Variants in UBE2E3 observed in about 807,000 individuals in gnomAD.
UBE2E3 encodes the protein ubiquitin conjugating enzyme E2 E3.
UBE2E3 carries 5 observed loss-of-function variants against 23.6 expected under a neutral mutation model. The ratio of observed to expected loss-of-function variants is 0.21; its 90% CI spans 0.11 to 0.44. The LOEUF (loss-of-function observed/expected upper bound fraction) is 0.44. Ranked by LOEUF, UBE2E3 falls within the 20% of genes least tolerant of loss-of-function variation. The pLI, the probability that UBE2E3 is intolerant of heterozygous loss-of-function variation, is 0.99. For missense variants in UBE2E3, 81 were observed against 249.8 expected (o/e 0.32, Z 4.55); for synonymous variants, 78 against 87.5 (o/e 0.89, Z 0.60).
At chr2:181,029,823 T>A (rs933790241) in intron 3 of UBE2E3, among the ~76,000 whole-genome samples, 10 of 150,604 alleles carry the variant, frequency 6.6e-5, no homozygotes, top group East Asian at 1.9e-4. Context: ...GTATTCTTTA[T>A]CAATTAATTC....
chr2:181,009,118 A>G (rs1239529203), intron 3 of UBE2E3, among the ~76,000 whole-genome samples: 1 of 152,148 alleles, frequency 6.6e-6, no homozygotes, highest in Non-Finnish European at 1.5e-5. Context: ...CAGTTCTTCT[A>G]CATTTTGTCA....
At chr2:181,013,092 G>C (rs1304900214) in intron 3 of UBE2E3, among the ~76,000 whole-genome samples, 1 of 152,030 alleles carries the variant, frequency 6.6e-6, no homozygotes, top group Non-Finnish European at 1.5e-5. Context: ...TTCCCGAGTA[G>C]CTGGGACTAC....
intron 3 of UBE2E3, among the ~76,000 whole-genome samples, chr2:181,053,302 AATATT>A (rs1363353072): frequency 6.6e-6 from 1 of 151,788 alleles, no homozygotes; most frequent in Admixed American, 6.6e-5. Flanking sequence ...TACCTTATTT[AATATT>A]ATAGAAGAAA....
chr2:181,005,349 C>T (rs1443585457), intron 3 of UBE2E3, among the ~76,000 whole-genome samples: 2 of 152,172 alleles, frequency 1.3e-5, no homozygotes, highest in Admixed American at 1.3e-4. Context: ...AAGTCTAATG[C>T]ATTTCATTAA....
At chr2:180,989,951 C>G (rs1684606319) in intron 3 of UBE2E3, 2 of 1,548,174 alleles carry the variant, frequency 1.3e-6, no homozygotes, top group African/African-American at 1.4e-5. Context: ...TCCTTTCAGT[C>G]TCTTCTTCCC....
chr2:181,017,669 G>C (rs1037513438), intron 3 of UBE2E3, among the ~76,000 whole-genome samples: 7 of 149,990 alleles, frequency 4.7e-5, no homozygotes, highest in African/African-American at 1.7e-4. Flanking sequence ...TTTTAATACG[G>C]AAGTGTCATA....
chr2:181,020,043 ATC>A (rs1316019968), intron 3 of UBE2E3, among the ~76,000 whole-genome samples: 10 of 152,116 alleles, frequency 6.6e-5, no homozygotes, highest in African/African-American at 2.4e-4. Flanking sequence ...TACTCTTTGC[ATC>A]TCTGAGTTTG....
chr2:181,031,141 T>C (rs1035111563), intron 3 of UBE2E3, among the ~76,000 whole-genome samples: 1 of 152,170 alleles, frequency 6.6e-6, no homozygotes. Context: ...TTTAAAAAAT[T>C]TGTTAAAAAT....
intron 3 of UBE2E3, among the ~76,000 whole-genome samples, chr2:181,029,659 CTTT>C (rs61149975): frequency 0.048 from 5,594 of 116,880 alleles, 135 homozygotes; most frequent in South Asian, 0.12. Flanking sequence ...TGTAGACAAT[CTTT>C]TTTTTTTTTT....
In UBE2E3 at chr2:180,996,881, TC is replaced by T. The variant is rs552840122; in HGVS notation, c.245+12789del. On this transcript the variant is annotated intron_variant, in intron 3 of 5. Transcript: ENST00000410062. The stretch of plus-strand genomic sequence containing the variant: ...ATTGTCTGATATGCAAAAAAAAATT[TC>T]TTCCTCTAGCCCTTTAGTTTTTACA... 4.6e-5 allele frequency among the ~76,000 whole-genome samples: 7 copies of T among 152,318 alleles called. No individual in the cohort carries two copies. In the South Asian group the frequency reaches 1.4e-3, roughly 32 times the overall value.
At chr2:181,057,937 G>T in intron 4 of UBE2E3, 112 bp downstream of exon 4, 1 of 1,112,308 alleles carries the variant, frequency 9.0e-7, no homozygotes, top group Non-Finnish European at 1.2e-6. Context: ...TGCTTTTCAT[G>T]GATTGATATG....
intron 3 of UBE2E3, among the ~76,000 whole-genome samples, chr2:181,029,713 C>T (rs1431860970): frequency 1.4e-5 from 2 of 147,820 alleles, no homozygotes; most frequent in Non-Finnish European, 3.0e-5. Context: ...TCTAGGACAA[C>T]CAAGTCATAA....
At chr2:180,980,372 G>A (rs1283888582), upstream of UBE2E3, 2 of 151,732 alleles carry the variant, frequency 1.3e-5, no homozygotes, top group African/African-American at 4.8e-5. This position sits in a 1 kb window ranked among gnomAD's most constrained non-coding sequence, Gnocchi z 5.5. Flanking sequence ...CACAGGCTCC[G>A]CGGCCAAGGG....
chr2:180,991,272 GA>G (rs1684648986), intron 3 of UBE2E3, among the ~76,000 whole-genome samples: 1 of 152,018 alleles, frequency 6.6e-6, no homozygotes, highest in African/African-American at 2.4e-5. Flanking sequence ...GTGGATGCCT[GA>G]AAGTTGAGAT....
At chr2:181,047,641 GT>G (rs1449797075) in intron 3 of UBE2E3, among the ~76,000 whole-genome samples, 1 of 151,728 alleles carries the variant, frequency 6.6e-6, no homozygotes, top group Non-Finnish European at 1.5e-5. Context: ...GTTTTGTTTT[GT>G]TTTTTTCCTC....
chr2:181,011,756 A>G (rs1685336479), intron 3 of UBE2E3, among the ~76,000 whole-genome samples: 1 of 152,156 alleles, frequency 6.6e-6, no homozygotes, highest in African/African-American at 2.4e-5. Context: ...AAATTGGATC[A>G]TACCATTATT....
chr2:181,034,367 G>A (rs1370046272), intron 3 of UBE2E3, among the ~76,000 whole-genome samples: 1 of 152,198 alleles, frequency 6.6e-6, no homozygotes, highest in East Asian at 1.9e-4. Flanking sequence ...ATGAGTTCAT[G>A]TCCTTTGTAG....
intron 4 of UBE2E3, among the ~76,000 whole-genome samples, chr2:181,058,618 T>G (rs1365902011): frequency 6.6e-6 from 1 of 151,780 alleles, no homozygotes; most frequent in Non-Finnish European, 1.5e-5. Context: ...TCCATAGCCC[T>G]TAACTATGGT....
At chr2:181,009,938 T>C (rs939214154) in intron 3 of UBE2E3, among the ~76,000 whole-genome samples, 1 of 152,188 alleles carries the variant, frequency 6.6e-6, no homozygotes, top group Admixed American at 6.5e-5. Flanking sequence ...TTTAATACTT[T>C]TTTTACTCTT....
Sources: gnomAD v4.1 joint callset for allele counts (sites outside exome capture counted in the v4.1 genomes callset) on GRCh38, gnomAD v4.1.1 for gene constraint, Gnocchi (gnomAD v3.1) non-coding constraint, MANE v1.5 for transcripts, NCBI Gene and HGNC (gene_info 2026-07-23, HGNC 2026-07-21) for gene names.